CACTIN: variants seen among roughly 807,000 people sequenced by gnomAD.
CACTIN encodes the protein cactin, spliceosome C complex subunit, also known as splicing factor Cactin.
Under a neutral mutation model 84.9 loss-of-function variants are expected in CACTIN, and 20 were observed. The ratio of observed to expected loss-of-function variants is 0.24; its 90% CI spans 0.17 to 0.34. The LOEUF (loss-of-function observed/expected upper bound fraction) is 0.34, where lower values mean the gene tolerates loss of function less well. Ranked by LOEUF, CACTIN falls within the 10% of genes least tolerant of loss-of-function variation. CACTIN has a pLI of 1.00. For missense variants in CACTIN, 897 were observed against 1,117.2 expected, an observed-to-expected ratio of 0.80 and a Z score of 2.81; for synonymous variants, 549 against 467.9, an observed-to-expected ratio of 1.17 and a Z score of -2.24.
At chr19:3,625,133 C>G (rs1362105931) in intron 1 of CACTIN, among the ~76,000 whole-genome samples, 1 of 152,148 alleles carries the variant, frequency 6.6e-6, no homozygotes, top group African/African-American at 2.4e-5. Context: ...CTCAGGCAAG[C>G]CTCCTGTCTC....
Position 3,620,901 on chromosome 19 carries a change from CAG to C in CACTIN, c.643-101_643-100del, listed in dbSNP as rs60208409. On this transcript the variant is annotated intron_variant, in intron 2 of 9. Transcript: ENST00000429344. Reference sequence around the variant, plus strand: ...GAGATTGACCAGGGCCCTTGTTTTGCAGAGAGAGGTGACCTGCCAGCACTGCA... The same window carrying C: ...GAGATTGACCAGGGCCCTTGTTTTGCAGAGAGGTGACCTGCCAGCACTGCA... 3.6e-3 allele frequency: 3,381 copies of C among 927,898 alleles called. 91 individuals carry two copies. The African/African-American group carries it at 0.049, about 13-fold the overall frequency. 57.5% of individuals were successfully genotyped at this position (927,898 alleles called of 1,614,324 possible). A position where few individuals can be genotyped will look rare whatever the true frequency, so the allele number is the denominator to read the frequency against.
At position 3,619,184 on chromosome 19, in the gene CACTIN, T is replaced by C. The variant is rs1355611706; in HGVS notation, c.943A>G (p.Ile315Val). 3 of 1,613,394 alleles carry C rather than the reference T, an allele frequency of 1.9e-6. No individual in the cohort carries two copies. The highest frequency in any genetic ancestry group is 2.5e-6 in the Non-Finnish European group (3 of 1,179,740). The change falls in exon 5 of 10, where the codon ATC (isoleucine) becomes GTC (valine). Residue 315 changes from isoleucine to valine, a missense_variant. Transcript: ENST00000429344. ...AKPIDLLAKYISAEDDDLAVE... is the reference protein window; with the variant it reads ...AKPIDLLAKYVSAEDDDLAVE... ...GCCAGATCGTCATCCTCAGCGCTGA[T>C]GTACTTGGCCAGCAGGTCGATGGGC...
intron 6 of CACTIN, 56 bp from the exon 7 acceptor site, chr19:3,614,645 AC>A: frequency 6.9e-7 from 1 of 1,447,496 alleles, no homozygotes; most frequent in Non-Finnish European, 9.4e-7. Flanking sequence ...GTGCTCCTCC[AC>A]CCCATCAGGG....
At chr19:3,619,038 G>A (rs756038274) in intron 5 of CACTIN, 42 bp downstream of exon 5, 3 of 1,549,410 alleles carry the variant, frequency 1.9e-6, no homozygotes, top group African/African-American at 2.7e-5. Context: ...TGGGGTGGGG[G>A]TGAGGGTGCA....
Position 3,623,888 on chromosome 19 carries a change from C to T in CACTIN, c.442G>A (p.Glu148Lys). The part of the protein sequence containing the change: ...QSLQERLRLR[E>K]ERKQQEELMK... ...AGCTCCTCCTGCTGCTTCCGCTCCT[C>T]CCGCAGCCGCAGCCGCTCCTGCAGG... Residue 148 changes from glutamate to lysine, a missense_variant, in exon 2 of 10, where the codon GAG becomes AAG. Around this residue, in one of 8 missense-constraint regions of CACTIN, gnomAD observed 261 missense variants for 243.8 expected, o/e 1.07. Transcript: ENST00000429344. The T allele has an allele frequency of 6.2e-7, 1 of 1,607,284 alleles. No homozygotes were observed. The highest frequency in any genetic ancestry group is 8.5e-7 in the Non-Finnish European group (1 of 1,179,720).
At chr19:3,613,394 AGGCTGC>A (rs986701263) in intron 8 of CACTIN, 29 bp from the exon 9 acceptor site, 1 of 1,533,456 alleles carries the variant, frequency 6.5e-7, no homozygotes, top group Admixed American at 2.0e-5. Context: ...GGAGGCGCGG[AGGCTGC>A]CCACGGCCCC....
intron 9 of CACTIN, 123 bp downstream of exon 9, chr19:3,612,935 G>T: frequency 1.7e-6 from 2 of 1,191,444 alleles, no homozygotes; most frequent in Non-Finnish European, 2.4e-6. Context: ...AGAGACCCGG[G>T]GGAGAAGCAG....
In CACTIN at chr19:3,611,673, C is replaced by T; in HGVS notation, c.*250G>A. On this transcript the variant is annotated 3_prime_UTR_variant, in exon 10 of 10. Transcript: ENST00000429344. The stretch of plus-strand genomic sequence containing the variant: ...TCGTGCTCGAAAGATGCCCCTAGCG[C>T]CCCCTCCGTTGCATCAGGACCCTAG... The T allele has an allele frequency of 7.3e-6, 4 of 549,426 alleles. No individual in the cohort carries two copies. In the South Asian group the frequency reaches 7.9e-5, roughly 11 times the overall value. The allele number at this position is 549,426 out of a possible 1,614,324, so 34.0% of individuals were successfully genotyped here. A position where few individuals can be genotyped will look rare whatever the true frequency, so the allele number is the denominator to read the frequency against.
Position 3,614,579 on chromosome 19 carries a change from G to A in CACTIN, c.1173C>T (p.Arg391=), listed in dbSNP as rs756079941. ...EASGKGPGER[R]EGVNASVSSD... ...AGCTGACGGAGGCGTTGACCCCCTC[G>A]CGGCGCTCACCTGCAGCGGGGTGGG... The change falls in exon 7 of 10, where the codon CGC becomes CGT. Residue 391 remains arginine, a synonymous_variant. Transcript: ENST00000429344. The A allele has an allele frequency of 8.7e-6, 14 of 1,602,258 alleles. No homozygotes were observed. Among genetic ancestry groups the A allele is most frequent in the Middle Eastern group, 1.7e-4 (1 of 6,040 alleles).
At chr19:3,621,139 G>A (rs534974174) in intron 2 of CACTIN, 3 of 430,528 alleles carry the variant, frequency 7.0e-6, no homozygotes, top group Admixed American at 7.1e-5. Flanking sequence ...GCCTTGCTCG[G>A]GGCCTGCTGA....
At position 3,612,671 on chromosome 19, in the gene CACTIN, G is replaced by C. The variant is rs143189420; in HGVS notation, c.1787-258C>G. 4.2e-6 allele frequency: 3 copies of C among 712,454 alleles called. No homozygotes were observed. The East Asian group carries it at 8.1e-5, about 19-fold the overall frequency. 44.1% of individuals were successfully genotyped at this position (712,454 alleles called of 1,614,324 possible). A position where few individuals can be genotyped will look rare whatever the true frequency, so the allele number is the denominator to read the frequency against. On this transcript the variant is annotated intron_variant, in intron 9 of 9. Coordinates refer to ENST00000429344, the MANE Select transcript of CACTIN (RefSeq NM_001080543.2). ...AGCGCAGCGCGCTTCCCCGCCGAGC[G>C]ACAGGAGAACCTGGTGGTTAGGGCC...
At position 3,615,792 on chromosome 19, in the gene CACTIN, A is replaced by ATAGAGTC. The variant is rs984230128; in HGVS notation, c.1163-1210_1163-1204dup. 1 of 152,136 alleles carries ATAGAGTC rather than the reference A, an allele frequency of 6.6e-6. No individual in the cohort carries two copies. The highest frequency in any genetic ancestry group is 2.4e-5 in the African/African-American group (1 of 41,368). The allele number at this position is 152,136 out of a possible 1,614,324, so 9.4% of individuals were successfully genotyped here. ...CCACACCTACACCACAGGGGACTGG[A>ATAGAGTC]TAGAGTCTAGACGGACCCGAGTCCC... On this transcript the variant is annotated intron_variant, in intron 6 of 9. Coordinates refer to ENST00000429344, the MANE Select transcript of CACTIN (RefSeq NM_001080543.2). This position sits in a 1 kb window ranked among gnomAD's most constrained non-coding sequence, Gnocchi z 5.2.
chr19:3,625,136 C>T (rs1388024110), intron 1 of CACTIN, among the ~76,000 whole-genome samples: 7 of 152,270 alleles, frequency 4.6e-5, no homozygotes, highest in African/African-American at 1.7e-4. Flanking sequence ...AGGCAAGCCT[C>T]CTGTCTCAGC....
chr19:3,618,015 G>C (rs1228171646), intron 6 of CACTIN, among the ~76,000 whole-genome samples: 3 of 152,172 alleles, frequency 2.0e-5, no homozygotes, highest in African/African-American at 7.2e-5. Context: ...TGGGATCCTC[G>C]GCCACCATGA....
intron 2 of CACTIN, among the ~76,000 whole-genome samples, chr19:3,622,317 T>C (rs528662815): frequency 4.1e-5 from 6 of 147,690 alleles, no homozygotes; most frequent in African/African-American, 7.7e-5. Context: ...TGAGCCGAGA[T>C]TGCGCCTTTG....
chr19:3,625,183 C>T (rs1347249523), intron 1 of CACTIN, among the ~76,000 whole-genome samples: 3 of 152,270 alleles, frequency 2.0e-5, no homozygotes, highest in South Asian at 2.1e-4. Context: ...TGAGCCACTG[C>T]GCTCAGTCAC....
In CACTIN at chr19:3,624,143, G is replaced by A. The variant is rs780460957; in HGVS notation, c.187C>T (p.Arg63Trp). The change falls in exon 2 of 10, where the codon CGG becomes TGG. Residue 63 changes from arginine (R) to tryptophan (W), a missense_variant. Coordinates refer to ENST00000429344, the MANE Select transcript of CACTIN (RefSeq NM_001080543.2). ...RERRSDSEEE[R>W]WQRSGMRSRS... ...CTTCGCATCCCTGAGCGCTGCCACCGCTCTTCCTCTGAATCTGACCTGCGG... is the reference window on the plus strand; with the variant it reads ...CTTCGCATCCCTGAGCGCTGCCACCACTCTTCCTCTGAATCTGACCTGCGG... 30 of 1,567,658 alleles carry A rather than the reference G, an allele frequency of 1.9e-5. No homozygotes were observed. Among genetic ancestry groups the A allele is most frequent in the Non-Finnish European group, 2.5e-5 (29 of 1,159,008 alleles).
At position 3,613,455 on chromosome 19, in the gene CACTIN, C is replaced by A. The variant is rs751381571; in HGVS notation, c.1478+9G>T. 3 of 1,571,624 alleles carry A rather than the reference C, an allele frequency of 1.9e-6. No homozygotes were observed. Among genetic ancestry groups the A allele is most frequent in the East Asian group, 2.3e-5 (1 of 43,108 alleles). On this transcript the variant is annotated intron_variant, in intron 8 of 9. Transcript: ENST00000429344. ...GCATCGGCGTCCCCGGGGTGCCGGC[C>A]GGGCCTACCTGCGGCTGGGGGACTG...
chr19:3,614,635 G>A (rs879134375), intron 6 of CACTIN, 46 bp from the exon 7 acceptor site: 35 of 1,501,960 alleles, frequency 2.3e-5, no homozygotes, highest in South Asian at 3.6e-5. Flanking sequence ...CATTTCCTAC[G>A]TGCTCCTCCA....
Sources: allele counts gnomAD v4.1 joint callset (sites outside exome capture counted in the v4.1 genomes callset), GRCh38; gene constraint gnomAD v4.1.1; regional missense constraint gnomAD v4.1.1; non-coding constraint Gnocchi (gnomAD v3.1); transcripts MANE v1.5; gene names NCBI Gene and HGNC (gene_info 2026-07-23, HGNC 2026-07-21).